The following RBFOX1 variants were observed in gnomAD, a reference collection of about 807,000 sequenced individuals.
RBFOX1 encodes RNA binding fox-1 homolog 1.
Under a neutral mutation model 57.7 loss-of-function variants are expected in RBFOX1, and 8 were observed. The ratio of observed to expected loss-of-function variants is 0.14; its 90% CI spans 0.08 to 0.25. The LOEUF is 0.25. Among genes scored for constraint, RBFOX1 ranks in the 10% least tolerant of loss-of-function variants. The pLI is 1.00. For missense variants in RBFOX1, 611 were observed against 548.5 expected (o/e 1.11, Z -1.14); for synonymous variants, 326 against 222.4 (o/e 1.47, Z -4.15).
rs11077002 is a variant in RBFOX1 at position 6,081,598 on chromosome 16, A to G, written c.-127+61606A>G. Among the ~76,000 whole-genome samples the G allele has an allele frequency of 6.5e-4, 99 of 152,350 alleles. 1 individual carries two copies. The East Asian group carries it at 0.018, about 27-fold the overall frequency. On this transcript the variant is annotated intron_variant, in intron 1 of 15. Coordinates refer to ENST00000550418, the MANE Select transcript of RBFOX1 (RefSeq NM_018723.4). ...CCACTGAAGGTGATTCTTAACCATT[A>G]CAAAGAGCTTCCCGTGAGGTTGAAC...
In RBFOX1 at chr16:7,231,035, G is replaced by A. The variant is rs138765174; in HGVS notation, c.27+178937G>A. Among the ~76,000 whole-genome samples, 9 of 152,196 alleles carry A rather than the reference G, an allele frequency of 5.9e-5. No homozygotes were observed. In the East Asian group the frequency reaches 1.2e-3, roughly 20 times the overall value. ...CCTGAACAAGCACCTCTAGCCCCCT[G>A]AGCATCAGGGATCTTTCCATTAAGT... On this transcript the variant is annotated intron_variant, in intron 4 of 15. Coordinates refer to ENST00000550418, the MANE Select transcript of RBFOX1 (RefSeq NM_018723.4).
chr16:6,746,737 T>A (rs2073754352), intron 3 of RBFOX1, among the ~76,000 whole-genome samples: 1 of 152,096 alleles, frequency 6.6e-6, no homozygotes, highest in Non-Finnish European at 1.5e-5. Context: ...AATTGAAAGT[T>A]TACATAGGGC....
intron 1 of RBFOX1, among the ~76,000 whole-genome samples, chr16:5,381,887 G>C (rs1015263613): frequency 5.9e-5 from 9 of 152,332 alleles, no homozygotes; most frequent in African/African-American, 2.2e-4. Flanking sequence ...GGGATTCTCA[G>C]TCTTGGCGCT....
At chr16:5,837,923 G>A (rs1379851807) in intron 3 of RBFOX1, among the ~76,000 whole-genome samples, 3 of 152,162 alleles carry the variant, frequency 2.0e-5, no homozygotes, top group Non-Finnish European at 2.9e-5. Context: ...GGCGCTTGGA[G>A]AAGACTGTGT....
At chr16:7,215,298 C>T (rs1022261735) in intron 4 of RBFOX1, among the ~76,000 whole-genome samples, 3 of 152,148 alleles carry the variant, frequency 2.0e-5, no homozygotes, top group South Asian at 2.1e-4. Flanking sequence ...TACCATTTGA[C>T]CCAGCCATCC....
At chr16:6,672,552 G>GAA (rs202228536) in intron 3 of RBFOX1, among the ~76,000 whole-genome samples, 1,904 of 152,056 alleles carry the variant, frequency 0.013, 45 homozygotes, top group African/African-American at 0.043. Flanking sequence ...AGAAAGAAAA[G>GAA]AAAAGAAAAG....
intron 1 of RBFOX1, among the ~76,000 whole-genome samples, chr16:6,116,875 G>C (rs2096501611): frequency 1.3e-5 from 2 of 151,976 alleles, no homozygotes; most frequent in Non-Finnish European, 2.9e-5. Context: ...GTACAGTAAA[G>C]GTATTGAGAA....
chr16:6,923,633 G>C (rs1429059715), intron 3 of RBFOX1, among the ~76,000 whole-genome samples: 1 of 152,118 alleles, frequency 6.6e-6, no homozygotes, highest in East Asian at 1.9e-4. Context: ...GAATCAGCAG[G>C]GGAGCATGGA....
chr16:7,153,699 C>G (rs56990840), intron 4 of RBFOX1, among the ~76,000 whole-genome samples: 70,948 of 145,528 alleles, frequency 0.49, 18,954 homozygotes, highest in South Asian at 0.66. Flanking sequence ...GCATTGAACT[C>G]TAGCCTGGTG....
chr16:7,479,121 T>G lies in RBFOX1; in HGVS notation c.28-39026T>G, dbSNP rs1037095343. Among the ~76,000 whole-genome samples the G allele has an allele frequency of 7.2e-3, 1,087 of 150,486 alleles. 10 individuals are homozygous for G. Among genetic ancestry groups the G allele is most frequent in the African/African-American group, 0.025 (1,026 of 41,058 alleles). ...TGGATCAAAACCCAGTTTTGTTTTT[T>G]TTTTTTTAATTTTAATTTTAGGGAC... is the stretch of plus-strand genomic sequence containing the variant. On this transcript the variant is annotated intron_variant, in intron 4 of 15. Coordinates refer to ENST00000550418, the MANE Select transcript of RBFOX1 (RefSeq NM_018723.4).
intron 4 of RBFOX1, among the ~76,000 whole-genome samples, chr16:5,899,583 A>G (rs2152176583): frequency 6.6e-6 from 1 of 152,306 alleles, no homozygotes; most frequent in Non-Finnish European, 1.5e-5. Context: ...TATTGAGCAA[A>G]AAGAGGAAGT....
intron 4 of RBFOX1, among the ~76,000 whole-genome samples, chr16:7,244,815 G>C (rs762740006): frequency 3.9e-5 from 6 of 152,184 alleles, no homozygotes; most frequent in Non-Finnish European, 7.3e-5. Context: ...GGCTGTCTTG[G>C]TTTTGTTTCC....
intron 1 of RBFOX1, among the ~76,000 whole-genome samples, chr16:5,382,079 T>C (rs897776532): frequency 4.6e-5 from 7 of 152,166 alleles, no homozygotes; most frequent in African/African-American, 1.7e-4. Flanking sequence ...ATCACCCCCC[T>C]GGTTGGGAAG....
intron 3 of RBFOX1, among the ~76,000 whole-genome samples, chr16:6,672,311 A>G (rs933475255): frequency 3.9e-5 from 6 of 151,950 alleles, no homozygotes; most frequent in African/African-American, 1.2e-4. Context: ...TAAAATAACC[A>G]TACAAATATT....
chr16:5,545,438 A>T (rs1157285105), intron 2 of RBFOX1, among the ~76,000 whole-genome samples: 2 of 152,200 alleles, frequency 1.3e-5, no homozygotes, highest in Non-Finnish European at 2.9e-5. Context: ...AATATCTATC[A>T]TGAATATAGA....
At chr16:7,188,485 G>A (rs777604224) in intron 4 of RBFOX1, among the ~76,000 whole-genome samples, 1 of 152,298 alleles carries the variant, frequency 6.6e-6, no homozygotes, top group East Asian at 1.9e-4. Context: ...GACCCTAACT[G>A]AAGTTATGCA....
At chr16:5,632,850 T>A (rs2048559767) in intron 3 of RBFOX1, among the ~76,000 whole-genome samples, 1 of 152,014 alleles carries the variant, frequency 6.6e-6, no homozygotes, top group African/African-American at 2.4e-5. Context: ...CACACAGAAT[T>A]TCCGTAACTT....
At chr16:7,695,869 T>C (rs1418506458) in intron 14 of RBFOX1, among the ~76,000 whole-genome samples, 4 of 152,058 alleles carry the variant, frequency 2.6e-5, no homozygotes, top group Non-Finnish European at 4.4e-5. Context: ...TGGGGTTTGA[T>C]GGATGTTATA....
intron 3 of RBFOX1, among the ~76,000 whole-genome samples, chr16:7,012,603 T>C (rs2093704549): frequency 3.3e-5 from 5 of 152,188 alleles, no homozygotes; most frequent in Admixed American, 3.3e-4. Flanking sequence ...TAACAAAACA[T>C]TGGAACAGAA....
Sources: allele counts gnomAD v4.1 joint callset (sites outside exome capture counted in the v4.1 genomes callset), GRCh38; gene constraint gnomAD v4.1.1; transcripts MANE v1.5; gene names NCBI Gene and HGNC (gene_info 2026-07-23, HGNC 2026-07-21).